THOC1: variants seen among roughly 807,000 people sequenced by gnomAD.
The protein encoded by THOC1 is THO complex 1.
Under a neutral mutation model 97.3 loss-of-function variants are expected in THOC1, and 29 were observed. The observed-to-expected ratio is 0.30, with a 90% CI of 0.22 to 0.41. The LOEUF is 0.41. THOC1 is among the 10% of genes least tolerant of loss of function. THOC1 has a pLI of 1.00. For synonymous variants in THOC1, 255 were observed against 257.0 expected (o/e 0.99, Z 0.07); for missense variants, 529 against 761.9 (o/e 0.69, Z 3.60).
chr18:235,315 G>C (rs1178658751), intron 11 of THOC1, among the ~76,000 whole-genome samples: 2 of 151,916 alleles, frequency 1.3e-5, no homozygotes, highest in Non-Finnish European at 2.9e-5. Flanking sequence ...AACACTTTCA[G>C]TTTTGCTGAT....
rs773637900 is a variant in THOC1 at position 214,654 on chromosome 18, A to G, written c.1946T>C (p.Leu649Pro). ...ACTATTTGTCTCATTGTCATTAGTT[A>G]GACTTTCTGCAAGGTCACTTAATCC... ...KSGLSDLAES[L>P]TNDNETNS is the part of the protein sequence containing the mutation. The change falls in exon 21 of 21, where the codon CTA (leucine) becomes CCA (proline). Residue 649 changes from leucine to proline, a missense_variant. Leu to Pro is a moderately conservative substitution (Grantham distance 98). Around this residue, in one of 8 missense-constraint regions of THOC1, gnomAD observed 98 missense variants for 111.9 expected, o/e 0.88. Transcript: ENST00000261600. 9.9e-6 allele frequency: 16 copies of G among 1,613,494 alleles called. No homozygotes were observed. The highest frequency in any genetic ancestry group is 1.3e-5 in the Non-Finnish European group (15 of 1,179,596).
intron 11 of THOC1, among the ~76,000 whole-genome samples, chr18:233,681 ATTGT>A (rs991243552): frequency 6.6e-6 from 1 of 152,102 alleles, no homozygotes; most frequent in Non-Finnish European, 1.5e-5. Flanking sequence ...TGGACTTTCT[ATTGT>A]TTTAGTTTTC....
chr18:216,342 G>A (rs1038561622), intron 19 of THOC1, 144 bp downstream of exon 19: 1 of 829,654 alleles, frequency 1.2e-6, no homozygotes, highest in South Asian at 1.8e-5. Context: ...ATATTCCAAT[G>A]TGTTTTTCCC....
At chr18:240,698 CAGA>C (rs1911866514) in intron 11 of THOC1, among the ~76,000 whole-genome samples, 1 of 152,182 alleles carries the variant, frequency 6.6e-6, no homozygotes, top group Admixed American at 6.5e-5. Flanking sequence ...AATTTTTCCA[CAGA>C]CCAGGGGTTA....
At chr18:266,303 G>A (rs1418912489) in intron 1 of THOC1, among the ~76,000 whole-genome samples, 5 of 152,114 alleles carry the variant, frequency 3.3e-5, no homozygotes, top group Admixed American at 3.3e-4. Context: ...GAGTAATTTG[G>A]GGCCTGTTCC....
At chr18:217,765 G>A (rs1380422035) in intron 18 of THOC1, among the ~76,000 whole-genome samples, 2 of 152,144 alleles carry the variant, frequency 1.3e-5, no homozygotes, top group African/African-American at 4.8e-5. Context: ...TCCCAGCCAG[G>A]GGGACTTTAA....
intron 4 of THOC1, 88 bp downstream of exon 4, chr18:263,938 G>A: frequency 1.0e-6 from 1 of 999,490 alleles, no homozygotes; most frequent in Non-Finnish European, 1.5e-6. Context: ...AAATCAGATA[G>A]GTGGAGAAGT....
chr18:238,730 T>C (rs1247588296), intron 11 of THOC1, among the ~76,000 whole-genome samples: 1 of 152,228 alleles, frequency 6.6e-6, no homozygotes, highest in African/African-American at 2.4e-5. Flanking sequence ...TGTGGTGCCA[T>C]TATGGGGTGC....
chr18:218,524 C>T (rs1910971266), intron 18 of THOC1, among the ~76,000 whole-genome samples: 1 of 152,076 alleles, frequency 6.6e-6, no homozygotes, highest in Admixed American at 6.6e-5. Context: ...GATTTGGATT[C>T]TCATGGACGC....
At chr18:247,040 G>GTT (rs777898293) in intron 10 of THOC1, among the ~76,000 whole-genome samples, 20 of 152,146 alleles carry the variant, frequency 1.3e-4, no homozygotes, top group Non-Finnish European at 2.9e-4. Context: ...ACCACCTGTG[G>GTT]AAACTCTTAC....
chr18:267,074 G>T (rs756301575), intron 1 of THOC1, among the ~76,000 whole-genome samples: 1 of 151,760 alleles, frequency 6.6e-6, no homozygotes, highest in Non-Finnish European at 1.5e-5. Flanking sequence ...TACAAAGGAT[G>T]AATTTTTCTT....
At chr18:216,876 C>G (rs1910910052) in intron 18 of THOC1, among the ~76,000 whole-genome samples, 1 of 152,202 alleles carries the variant, frequency 6.6e-6, no homozygotes, top group Non-Finnish European at 1.5e-5. Flanking sequence ...TCATATGCAG[C>G]AAACACATTT....
intron 7 of THOC1, 57 bp downstream of exon 7, chr18:259,123 A>G: frequency 7.6e-7 from 1 of 1,322,752 alleles, no homozygotes; most frequent in Non-Finnish European, 1.1e-6. Flanking sequence ...ATTTTAATCT[A>G]TTAAAAACTG....
chr18:236,102 T>C (rs1239157968), intron 11 of THOC1, among the ~76,000 whole-genome samples: 1 of 152,186 alleles, frequency 6.6e-6, no homozygotes, highest in Non-Finnish European at 1.5e-5. Flanking sequence ...TTATTTGTTA[T>C]TTATGTAGCT....
chr18:215,730 C>T (rs1910858878), intron 19 of THOC1: 2 of 464,458 alleles, frequency 4.3e-6, no homozygotes, highest in East Asian at 3.6e-5. Flanking sequence ...GACTCCCCAC[C>T]CCCAATCTGG....
intron 19 of THOC1, 117 bp downstream of exon 19, chr18:216,369 G>A (rs1401835124): frequency 9.1e-7 from 1 of 1,104,722 alleles, no homozygotes; most frequent in African/African-American, 1.6e-5. Context: ...TAAAACATGG[G>A]AGCTTGTGGA....
Position 215,448 on chromosome 18 carries a change from A to C in THOC1, c.1659T>G (p.Ala553=). The C allele has an allele frequency of 3.7e-6, 6 of 1,613,568 alleles. No homozygotes were observed. The highest frequency in any genetic ancestry group is 4.2e-6 in the Non-Finnish European group (5 of 1,179,594). ...TCTTACTTTCATTTTCCTTCAGTAG[A>C]GCATCATTATCTTCCTCATCTTCAT... is the stretch of plus-strand genomic sequence containing the variant. The part of the protein sequence containing the change: ...GEDEDEEDND[A]LLKENESPDV... Residue 553 remains alanine, a synonymous_variant, in exon 20 of 21, where the codon GCT becomes GCG. Transcript: ENST00000261600.
At chr18:233,740 T>C (rs757205371) in intron 11 of THOC1, among the ~76,000 whole-genome samples, 14 of 152,258 alleles carry the variant, frequency 9.2e-5, no homozygotes, top group Admixed American at 6.5e-4. Context: ...CTAATTACTA[T>C]TGCTGTATAG....
intron 11 of THOC1, among the ~76,000 whole-genome samples, chr18:236,506 G>T (rs1174711884): frequency 2.2e-5 from 3 of 139,304 alleles, no homozygotes; most frequent in Non-Finnish European, 4.5e-5. Context: ...ACAGGCGCCC[G>T]CTACCACGCC....
Sources: gnomAD v4.1 joint callset for allele counts (sites outside exome capture counted in the v4.1 genomes callset) on GRCh38, gnomAD v4.1.1 for gene constraint, gnomAD v4.1.1 regional missense constraint, MANE v1.5 for transcripts, NCBI Gene and HGNC (gene_info 2026-07-23, HGNC 2026-07-21) for gene names.